The following NUMB variants were observed in gnomAD, a reference collection of about 807,000 sequenced individuals.
NUMB encodes the protein protein numb homolog.
A neutral mutation model predicts 59.7 loss-of-function variants in NUMB; 29 were observed. The observed-to-expected ratio is 0.49, with a 90% CI of 0.36 to 0.66. The LOEUF (loss-of-function observed/expected upper bound fraction) is 0.66. Ranked by LOEUF, NUMB falls within the 30% of genes least tolerant of loss-of-function variation. NUMB has a pLI of 0.00. For synonymous variants in NUMB, 288 were observed against 288.2 expected (o/e 1.00, Z 0.01); for missense variants, 723 against 822.0 (o/e 0.88, Z 1.47).
At chr14:73,399,077 C>T (rs115100339) in intron 2 of NUMB, among the ~76,000 whole-genome samples, 4,471 of 152,176 alleles carry the variant, frequency 0.029, 223 homozygotes, top group African/African-American at 0.1. Flanking sequence ...TTTACAAATA[C>T]AGTATGCGCT....
chr14:73,277,030 G>T lies in NUMB; in HGVS notation c.1504C>A (p.Gln502Lys). The change falls in exon 13 of 13, where the codon CAA becomes AAA. Residue 502 changes from glutamine to lysine, a missense_variant. Physicochemically the swap from Gln to Lys is moderately conservative, Grantham distance 53. This residue lies in a region of NUMB where 406 missense variants were observed against 385.4 expected (regional missense o/e 1.05). Transcript: ENST00000555238. ...PVPVGVVPAL[Q>K]PAFVPAQSYP... ...GACTGGGCAGGGACAAAGGCTGGTT[G>T]CAGGGCTGGGACCACACCCACTGGC... The T allele has an allele frequency of 6.2e-7, 1 of 1,614,122 alleles. No homozygotes were observed. Among genetic ancestry groups the T allele is most frequent in the Non-Finnish European group, 8.5e-7 (1 of 1,180,026 alleles).
At chr14:73,405,111 A>AT (rs1421898876) in intron 2 of NUMB, among the ~76,000 whole-genome samples, 2 of 152,226 alleles carry the variant, frequency 1.3e-5, no homozygotes, top group African/African-American at 4.8e-5. Context: ...TGAAGTAAAT[A>AT]TATCTCCCTT....
intron 9 of NUMB, 53 bp downstream of exon 9, chr14:73,287,057 C>A: frequency 6.5e-7 from 1 of 1,539,974 alleles, no homozygotes; most frequent in Middle Eastern, 1.7e-4. Flanking sequence ...CAAAATAATA[C>A]CTTGTTGGGA....
chr14:73,357,125 G>A (rs1194377665), intron 3 of NUMB: 13 of 482,264 alleles, frequency 2.7e-5, no homozygotes, highest in Middle Eastern at 1.0e-3. Flanking sequence ...AGTGTTGGCC[G>A]GGTGTGGCGG....
At chr14:73,430,148 T>C (rs1482350091) in intron 1 of NUMB, among the ~76,000 whole-genome samples, 1 of 151,012 alleles carries the variant, frequency 6.6e-6, no homozygotes, top group African/African-American at 2.4e-5. Context: ...AAATATTTTA[T>C]ATATTTTAAA....
chr14:73,343,002 G>GTTT (rs550788713), intron 4 of NUMB, among the ~76,000 whole-genome samples: 1 of 146,620 alleles, frequency 6.8e-6, no homozygotes. Flanking sequence ...AATTTTTTCT[G>GTTT]TTTTTTTTTT....
At chr14:73,437,620 C>G (rs879334346) in intron 1 of NUMB, among the ~76,000 whole-genome samples, 3 of 152,154 alleles carry the variant, frequency 2.0e-5, no homozygotes, top group Non-Finnish European at 4.4e-5. Flanking sequence ...CTGATTAACA[C>G]AATAACATGG....
At chr14:73,437,041 C>CTCT (rs1898085447) in intron 1 of NUMB, among the ~76,000 whole-genome samples, 1 of 106,664 alleles carries the variant, frequency 9.4e-6, no homozygotes, top group African/African-American at 3.7e-5. Context: ...TTTTCTCTCT[C>CTCT]TTTTTTTTTT....
In NUMB at chr14:73,276,334, G is replaced by A. The variant is rs1487384019; in HGVS notation, c.*244C>T. 8 of 457,224 alleles carry A rather than the reference G, an allele frequency of 1.7e-5. No homozygotes were observed. Among genetic ancestry groups the A allele is most frequent in the African/African-American group, 9.7e-5 (5 of 51,338 alleles). The allele number at this position is 457,224 out of a possible 1,614,324, so 28.3% of individuals were successfully genotyped here. A position where few individuals can be genotyped will look rare whatever the true frequency, so the allele number is the denominator to read the frequency against. On this transcript the variant is annotated 3_prime_UTR_variant, in exon 13 of 13. Transcript: ENST00000555238. ...TTGTAAGGGGGTAAGGGAAGAGGGA[G>A]TACAGAAAGCAACATTTCCTTGACT...
intron 2 of NUMB, among the ~76,000 whole-genome samples, chr14:73,389,848 T>C (rs1594979586): frequency 6.6e-6 from 1 of 152,318 alleles, no homozygotes; most frequent in Non-Finnish European, 1.5e-5. Context: ...CCTTAAATGA[T>C]ACTATCAGAA....
At position 73,291,079 on chromosome 14, in the gene NUMB, G is replaced by T. The variant is rs192153252; in HGVS notation, c.450+1655C>A. Among the ~76,000 whole-genome samples the T allele has an allele frequency of 3.3e-3, 489 of 150,134 alleles. 2 individuals are homozygous for T. Among genetic ancestry groups the T allele is most frequent in the African/African-American group, 9.2e-3 (378 of 41,008 alleles). On this transcript the variant is annotated intron_variant, in intron 8 of 12. Transcript: ENST00000555238. ...AACTTAGTATTTCTGTTTAGTTTTT[G>T]TTTTTTGTTTTTTTTTTTTGAGATG...
At chr14:73,421,994 G>C (rs1897366856) in intron 1 of NUMB, among the ~76,000 whole-genome samples, 1 of 151,948 alleles carries the variant, frequency 6.6e-6, no homozygotes, top group South Asian at 2.1e-4. Context: ...CAAAAAATTA[G>C]CCCGGTGTAG....
chr14:73,421,320 G>T (rs1407350285), intron 1 of NUMB, among the ~76,000 whole-genome samples: 1 of 151,810 alleles, frequency 6.6e-6, no homozygotes, highest in Non-Finnish European at 1.5e-5. Flanking sequence ...GAGTATCTGG[G>T]ATTACAGGCA....
chr14:73,277,254 C>T lies in NUMB; in HGVS notation c.1280G>A (p.Gly427Asp), dbSNP rs1888230983. 1 of 1,606,176 alleles carries T rather than the reference C, an allele frequency of 6.2e-7. No individual in the cohort carries two copies. Among genetic ancestry groups the T allele is most frequent in the African/African-American group, 1.3e-5 (1 of 74,852 alleles). Reference sequence around the variant, plus strand: ...ACGTCTATGACCGGCCTGGAAGAGACCTGGAGAGGCAGCACCAGAAGATTG... The same window carrying T: ...ACGTCTATGACCGGCCTGGAAGAGATCTGGAGAGGCAGCACCAGAAGATTG... ...WGQSSGAASP[G>D]LFQAGHRRTP... Residue 427 changes from glycine to aspartate, a missense_variant, in exon 13 of 13, where the codon GGT (glycine) becomes GAT (aspartate). Transcript: ENST00000555238.
intron 2 of NUMB, among the ~76,000 whole-genome samples, chr14:73,383,480 T>G (rs1259809990): frequency 1.3e-5 from 2 of 151,788 alleles, no homozygotes; most frequent in East Asian, 3.9e-4. Flanking sequence ...GAGAGACATG[T>G]GAGATGCAGA....
chr14:73,450,916 C>T (rs1883888469), intron 1 of NUMB, among the ~76,000 whole-genome samples: 2 of 152,014 alleles, frequency 1.3e-5, no homozygotes, highest in South Asian at 4.1e-4. Flanking sequence ...CTTTGGGAGG[C>T]CGAGGCAGGA....
intron 4 of NUMB, among the ~76,000 whole-genome samples, chr14:73,335,903 G>GT (rs1310802284): frequency 1.3e-5 from 2 of 152,196 alleles, no homozygotes; most frequent in Non-Finnish European, 2.9e-5. Context: ...AGCAAAACTT[G>GT]TTTTGAGTCT....
chr14:73,388,095 C>G (rs1456746578), intron 2 of NUMB, among the ~76,000 whole-genome samples: 2 of 151,808 alleles, frequency 1.3e-5, no homozygotes. Context: ...CAAGTGAGAC[C>G]CTGTCTCTAA....
At position 73,292,895 on chromosome 14, in the gene NUMB, A is replaced by T. The variant is rs761738332; in HGVS notation, c.310-21T>A. ...AGGTCCTAGAAAATACGACACACAAAGAAAGAGAAGACTTATGAGGTTATC... is the reference window on the plus strand; with the variant it reads ...AGGTCCTAGAAAATACGACACACAATGAAAGAGAAGACTTATGAGGTTATC... On this transcript the variant is annotated intron_variant, in intron 7 of 12. Coordinates refer to ENST00000555238, the MANE Select transcript of NUMB (RefSeq NM_001005743.2). 1.9e-6 allele frequency: 3 copies of T among 1,613,196 alleles called. 1 individual carries two copies. In the South Asian group the frequency reaches 3.3e-5, roughly 18 times the overall value.
Sources: gnomAD v4.1 joint callset for allele counts (sites outside exome capture counted in the v4.1 genomes callset) on GRCh38, gnomAD v4.1.1 for gene constraint, gnomAD v4.1.1 regional missense constraint, MANE v1.5 for transcripts, NCBI Gene and HGNC (gene_info 2026-07-23, HGNC 2026-07-21) for gene names.